Variants in ABCA1 observed in about 807,000 individuals in gnomAD.
ABCA1 encodes phospholipid-transporting ATPase ABCA1.
In ABCA1, 133 loss-of-function variants were observed where a neutral mutation model predicts 262.5. The observed-to-expected ratio is 0.51, with a 90% CI of 0.44 to 0.59. ABCA1 has a LOEUF of 0.59. Ranked by LOEUF, ABCA1 falls within the 20% of genes least tolerant of loss-of-function variation. ABCA1 has a pLI of 0.00. For missense variants in ABCA1, 2,452 were observed against 2,777.5 expected (o/e 0.88, Z 2.63); for synonymous variants, 1,022 against 1,043.5 (o/e 0.98, Z 0.40).
In ABCA1 at chr9:104,837,580, GGA is replaced by G. The variant is rs751304829; in HGVS notation, c.1055-15_1055-14del. 12 of 1,613,660 alleles carry G rather than the reference GGA, an allele frequency of 7.4e-6. No individual in the cohort carries two copies. The highest frequency in any genetic ancestry group is 5.3e-5 in the African/African-American group (4 of 75,044). On this transcript the variant is annotated splice_polypyrimidine_tract_variant and intron_variant, in intron 9 of 49. Coordinates refer to ENST00000374736, the MANE Select transcript of ABCA1 (RefSeq NM_005502.4). Reference sequence around the variant, plus strand: ...TTGCAGTAAGGAGCTATGAAGAAGAGGAGAGACAAATGCTCATATGCATGGTC... The same window carrying G: ...TTGCAGTAAGGAGCTATGAAGAAGAGGAGACAAATGCTCATATGCATGGTC...
chr9:104,814,316 C>T (rs1831537616), intron 26 of ABCA1, 85 bp from the exon 27 acceptor site: 16 of 1,561,804 alleles, frequency 1.0e-5, no homozygotes, highest in Admixed American at 1.7e-5. Context: ...CTACACTCTA[C>T]AAATGAGAAT....
chr9:104,875,063 G>A (rs1333608785), intron 5 of ABCA1, among the ~76,000 whole-genome samples: 57 of 152,014 alleles, frequency 3.7e-4, no homozygotes, highest in African/African-American at 1.2e-3. Flanking sequence ...GGAAATGTGG[G>A]GAAAAGATAG....
chr9:104,788,572 A>T lies in ABCA1; in HGVS notation c.5928-5T>A, dbSNP rs770198260. Reference sequence around the variant, plus strand: ...TCATGGATGTTTGATAAGATACTGCAAAGGACAAGAAAACTACTTAGATTT... The same window carrying T: ...TCATGGATGTTTGATAAGATACTGCTAAGGACAAGAAAACTACTTAGATTT... On this transcript the variant is annotated splice_polypyrimidine_tract_variant and splice_region_variant and intron_variant, in intron 44 of 49. Coordinates refer to ENST00000374736, the MANE Select transcript of ABCA1 (RefSeq NM_005502.4). 4.3e-6 allele frequency: 7 copies of T among 1,614,030 alleles called. No homozygotes were observed. The Admixed American group carries it at 1.2e-4, about 27-fold the overall frequency.
At chr9:104,892,967 T>C (rs1171449958) in intron 2 of ABCA1, among the ~76,000 whole-genome samples, 2 of 152,198 alleles carry the variant, frequency 1.3e-5, no homozygotes, top group Non-Finnish European at 2.9e-5. Context: ...ATAATGTTTA[T>C]GAAACACAGA....
Position 104,784,266 on chromosome 9 carries a change from A to G in ABCA1, c.*49T>C. On this transcript the variant is annotated 3_prime_UTR_variant, in exon 50 of 50. Coordinates refer to ENST00000374736, the MANE Select transcript of ABCA1 (RefSeq NM_005502.4). ...CACAACACTTCACATGGTGCAAAGG[A>G]AAGTCTAGTTCCTCTTTACTTTCAG... 1.9e-6 allele frequency: 3 copies of G among 1,612,634 alleles called. No homozygotes were observed. Among genetic ancestry groups the G allele is most frequent in the Non-Finnish European group, 2.5e-6 (3 of 1,179,110 alleles).
intron 11 of ABCA1, among the ~76,000 whole-genome samples, chr9:104,834,581 G>C (rs984399864): frequency 6.7e-6 from 1 of 149,254 alleles, no homozygotes; most frequent in African/African-American, 2.5e-5. Flanking sequence ...TGGCCAAAAA[G>C]AATAGCAAGA....
chr9:104,882,028 TAA>T (rs557626075), intron 5 of ABCA1, among the ~76,000 whole-genome samples: 8,287 of 74,060 alleles, frequency 0.11, 960 homozygotes, highest in African/African-American at 0.26. Flanking sequence ...TCTGTAGCCT[TAA>T]AAAAAAAAAA....
In ABCA1 at chr9:104,884,972, G is replaced by A. The variant is rs1021250126; in HGVS notation, c.161-404C>T. Among the ~76,000 whole-genome samples the A allele has an allele frequency of 6.1e-4, 93 of 152,126 alleles. 1 individual carries two copies. Among genetic ancestry groups the A allele is most frequent in the African/African-American group, 1.9e-3 (79 of 41,540 alleles). On this transcript the variant is annotated intron_variant, in intron 3 of 49. Transcript: ENST00000374736. ...TGAAGTGGGCTGGGCACAGTGGCTC[G>A]CGCCTGTAATCCCAGCACTTTGGGA...
At chr9:104,820,098 G>A (rs1564128090) in intron 20 of ABCA1, 29 bp from the exon 21 acceptor site, 2 of 1,613,996 alleles carry the variant, frequency 1.2e-6, no homozygotes, top group Non-Finnish European at 1.7e-6. Flanking sequence ...GTCAGCTCTG[G>A]GCCCTACTGG....
intron 1 of ABCA1, among the ~76,000 whole-genome samples, chr9:104,921,593 T>G (rs1037305180): frequency 1.3e-5 from 2 of 152,200 alleles, no homozygotes; most frequent in African/African-American, 4.8e-5. Flanking sequence ...TGCACTAAAA[T>G]TTCTCAGTCT....
intron 5 of ABCA1, among the ~76,000 whole-genome samples, chr9:104,878,769 T>A (rs1026799641): frequency 1.3e-5 from 2 of 152,092 alleles, no homozygotes; most frequent in African/African-American, 4.8e-5. Context: ...TTCCAATAAG[T>A]GGAAATAAAA....
intron 15 of ABCA1, 110 bp downstream of exon 15, chr9:104,828,806 G>T: frequency 1.8e-6 from 2 of 1,096,816 alleles, no homozygotes; most frequent in Non-Finnish European, 2.7e-6. Context: ...TGACAGGTAT[G>T]ACCCCTTCTC....
At chr9:104,814,286 C>T (rs367561180) in intron 26 of ABCA1, 55 bp from the exon 27 acceptor site, 1 of 1,588,878 alleles carries the variant, frequency 6.3e-7, no homozygotes, top group East Asian at 2.2e-5. Context: ...CAAAACAAAC[C>T]TTCCCCATCT....
intron 1 of ABCA1, among the ~76,000 whole-genome samples, chr9:104,918,370 G>T (rs752011345): frequency 1.3e-5 from 2 of 152,032 alleles, no homozygotes; most frequent in Non-Finnish European, 2.9e-5. Context: ...TAGTTCCTTC[G>T]AGCATGTGTC....
chr9:104,842,042 C>T (rs991310773), intron 8 of ABCA1, among the ~76,000 whole-genome samples: 2 of 152,356 alleles, frequency 1.3e-5, no homozygotes, highest in Admixed American at 1.3e-4. Context: ...GCCTGGAAAG[C>T]TCCATATGCC....
intron 5 of ABCA1, among the ~76,000 whole-genome samples, chr9:104,870,668 T>C (rs1260251260): frequency 1.3e-5 from 2 of 151,926 alleles, no homozygotes; most frequent in Non-Finnish European, 2.9e-5. Context: ...ATGAGTTTCA[T>C]GTGCGTCTGT....
chr9:104,842,026 C>A (rs1323948624), intron 8 of ABCA1, among the ~76,000 whole-genome samples: 1 of 152,240 alleles, frequency 6.6e-6, no homozygotes, highest in Non-Finnish European at 1.5e-5. Flanking sequence ...CGAGGCCCTG[C>A]ACCCAGCCTG....
intron 6 of ABCA1, 140 bp from the exon 7 acceptor site, chr9:104,858,838 G>C (rs1836079667): frequency 4.9e-6 from 4 of 812,698 alleles, no homozygotes; most frequent in Middle Eastern, 2.2e-4. Flanking sequence ...ACAGTCCAAT[G>C]CATCAGGTCT....
chr9:104,912,427 A>T (rs969872901), intron 1 of ABCA1, among the ~76,000 whole-genome samples: 3 of 152,156 alleles, frequency 2.0e-5, no homozygotes, highest in Non-Finnish European at 4.4e-5. Flanking sequence ...AAATAAGGAG[A>T]TCCTAAAGGT....
Sources: gnomAD v4.1 joint callset for allele counts (sites outside exome capture counted in the v4.1 genomes callset) on GRCh38, gnomAD v4.1.1 for gene constraint, MANE v1.5 for transcripts, NCBI Gene and HGNC (gene_info 2026-07-23, HGNC 2026-07-21) for gene names.